STAP1: variants seen among roughly 807,000 people sequenced by gnomAD.
STAP1 encodes signal-transducing adaptor protein 1.
Under a neutral mutation model 37.8 loss-of-function variants are expected in STAP1, and 30 were observed. The observed-to-expected ratio is 0.79, with a 90% confidence interval of 0.59 to 1.08. The LOEUF (loss-of-function observed/expected upper bound fraction) is 1.08, where lower values mean the gene tolerates loss of function less well. Ranked by LOEUF, STAP1 falls within the 50% of genes least tolerant of loss-of-function variation. STAP1 has a pLI of 0.00. For missense variants in STAP1, 357 were observed against 349.4 expected, an observed-to-expected ratio of 1.02 and a Z score of -0.17; for synonymous variants, 130 against 116.0, an observed-to-expected ratio of 1.12 and a Z score of -0.78.
chr4:67,576,991 ATTTGT>A (rs2109861822), intron 3 of STAP1, among the ~76,000 whole-genome samples: 1 of 152,316 alleles, frequency 6.6e-6, no homozygotes, highest in South Asian at 2.1e-4. Context: ...GTACATGTTC[ATTTGT>A]TTTAAGTAAG....
At chr4:67,589,196 A>C (rs1728068380) in intron 6 of STAP1, among the ~76,000 whole-genome samples, 1 of 152,234 alleles carries the variant, frequency 6.6e-6, no homozygotes, top group African/African-American at 2.4e-5. Context: ...TTATGATGTG[A>C]TAAAGATAAA....
chr4:67,599,298 T>C (rs1237526714), intron 8 of STAP1, among the ~76,000 whole-genome samples: 2 of 152,262 alleles, frequency 1.3e-5, no homozygotes, highest in East Asian at 3.8e-4. Context: ...AGTCCTTCTT[T>C]AAACATTTGA....
chr4:67,564,513 A>G (rs1727421799), intron 1 of STAP1, among the ~76,000 whole-genome samples: 1 of 152,182 alleles, frequency 6.6e-6, no homozygotes, highest in South Asian at 2.1e-4. Flanking sequence ...TGGCAGGGTA[A>G]TACTGTAGTT....
At chr4:67,561,178 G>T (rs72642306) in intron 1 of STAP1, among the ~76,000 whole-genome samples, 1 of 152,164 alleles carries the variant, frequency 6.6e-6, no homozygotes, top group African/African-American at 2.4e-5. Flanking sequence ...AGTGAGCATG[G>T]TGATAATTAG....
intron 1 of STAP1, among the ~76,000 whole-genome samples, chr4:67,570,876 G>A (rs1208621090): frequency 6.6e-6 from 1 of 152,112 alleles, no homozygotes. Context: ...GGAGAGTCCA[G>A]CCTGGGGGAC....
intron 8 of STAP1, among the ~76,000 whole-genome samples, chr4:67,604,301 C>T (rs566388130): frequency 6.6e-6 from 1 of 152,314 alleles, no homozygotes; most frequent in East Asian, 1.9e-4. Context: ...TCTTCAGTGT[C>T]TCTTTCCTTG....
chr4:67,579,887 A>T (rs1409036662), intron 4 of STAP1, among the ~76,000 whole-genome samples: 3 of 151,610 alleles, frequency 2.0e-5, no homozygotes, highest in Admixed American at 6.6e-5. Context: ...TTTTTTTGAG[A>T]TGGAGTCTTG....
intron 7 of STAP1, among the ~76,000 whole-genome samples, chr4:67,592,202 A>G (rs1022267637): frequency 3.3e-5 from 5 of 151,952 alleles, no homozygotes; most frequent in Non-Finnish European, 7.4e-5. Context: ...GCACAATCAT[A>G]GTGCCAGCCT....
At chr4:67,605,561 A>C (rs1016069962) in intron 8 of STAP1, among the ~76,000 whole-genome samples, 1 of 152,156 alleles carries the variant, frequency 6.6e-6, no homozygotes, top group Non-Finnish European at 1.5e-5. Flanking sequence ...GAACAGATGG[A>C]ATTAGAGGGT....
intron 5 of STAP1, 123 bp downstream of exon 5, chr4:67,581,594 GTA>G: frequency 1.9e-6 from 2 of 1,039,880 alleles, no homozygotes; most frequent in Non-Finnish European, 2.8e-6. Context: ...GGGATAAACT[GTA>G]TATCTCTGCG....
chr4:67,577,857 C>A (rs983556292), intron 4 of STAP1, among the ~76,000 whole-genome samples: 2 of 152,042 alleles, frequency 1.3e-5, no homozygotes, highest in Admixed American at 1.3e-4. Context: ...TCATGTTGGC[C>A]AGGCTGGTTT....
intron 8 of STAP1, among the ~76,000 whole-genome samples, chr4:67,605,336 G>C (rs1408914807): frequency 6.8e-6 from 1 of 146,064 alleles, no homozygotes; most frequent in African/African-American, 2.5e-5. Flanking sequence ...ACTGCACCTT[G>C]ACTAGGGGCC....
intron 8 of STAP1, among the ~76,000 whole-genome samples, chr4:67,594,773 A>G (rs563282429): frequency 1.3e-5 from 2 of 152,328 alleles, no homozygotes; most frequent in South Asian, 4.1e-4. Flanking sequence ...CTTGTCACTT[A>G]AAATATAACC....
chr4:67,559,135 G>A (rs1727278708), intron 1 of STAP1, among the ~76,000 whole-genome samples: 1 of 151,998 alleles, frequency 6.6e-6, no homozygotes, highest in Non-Finnish European at 1.5e-5. Flanking sequence ...TATATAATAT[G>A]TATAATAACA....
At chr4:67,594,583 C>T (rs377720879) in intron 8 of STAP1, among the ~76,000 whole-genome samples, 13 of 152,154 alleles carry the variant, frequency 8.5e-5, no homozygotes, top group African/African-American at 2.7e-4. Context: ...ATTCCTTCAA[C>T]TTCTACATAT....
At chr4:67,600,995 C>T (rs1211833035) in intron 8 of STAP1, among the ~76,000 whole-genome samples, 1 of 152,138 alleles carries the variant, frequency 6.6e-6, no homozygotes, top group Middle Eastern at 3.2e-3. Context: ...TAAGGACTTA[C>T]TACTGCCATT....
intron 4 of STAP1, among the ~76,000 whole-genome samples, chr4:67,577,755 TCTC>T (rs1231793873): frequency 6.6e-6 from 1 of 151,730 alleles, no homozygotes; most frequent in Non-Finnish European, 1.5e-5. Context: ...TTCAAGTGAT[TCTC>T]CTGCTTCAGC....
chr4:67,580,524 T>G (rs188727209), intron 4 of STAP1, among the ~76,000 whole-genome samples: 5 of 152,342 alleles, frequency 3.3e-5, no homozygotes, highest in African/African-American at 1.2e-4. Flanking sequence ...CTGGAAAGCA[T>G]GCACTCTTCT....
intron 1 of STAP1, among the ~76,000 whole-genome samples, chr4:67,562,139 T>G (rs1401749020): frequency 2.1e-5 from 3 of 140,550 alleles, no homozygotes; most frequent in Non-Finnish European, 3.0e-5. Context: ...AAATAAGAGA[T>G]AGTTTGGGCA....
Sources: gnomAD v4.1 joint callset for allele counts (sites outside exome capture counted in the v4.1 genomes callset) on GRCh38, gnomAD v4.1.1 for gene constraint, MANE v1.5 for transcripts, NCBI Gene and HGNC (gene_info 2026-07-23, HGNC 2026-07-21) for gene names.